Variants in RP1 observed in about 807,000 individuals in gnomAD.
RP1 encodes oxygen-regulated protein 1.
RP1 carries 16 observed loss-of-function variants against 14.8 expected under a neutral mutation model. The observed-to-expected ratio is 1.08, with a 90% CI of 0.73 to 1.65. RP1 has a LOEUF of 1.65. Ranked by LOEUF, RP1 falls within the 40% of genes most tolerant of loss-of-function variation. The pLI is 0.00. For missense variants in RP1, 2,631 were observed against 2,535.0 expected, an observed-to-expected ratio of 1.04 and a Z score of -0.81; for synonymous variants, 876 against 883.6, an observed-to-expected ratio of 0.99 and a Z score of 0.15.
At chr8:54,737,301 C>G (rs1453461616) in intron 18 of RP1, among the ~76,000 whole-genome samples, 1 of 152,170 alleles carries the variant, frequency 6.6e-6, no homozygotes, top group Non-Finnish European at 1.5e-5. Flanking sequence ...TGGCACAGAC[C>G]TGAGTGGCAG....
chr8:54,611,204 C>T (rs1164167596), upstream of RP1, among the ~76,000 whole-genome samples: 1 of 152,094 alleles, frequency 6.6e-6, no homozygotes, highest in East Asian at 1.9e-4. Context: ...ACGTGTAGTT[C>T]ATCGAACTTT....
rs376019820 is a variant in RP1, at chr8:54,628,948, G to A, written c.5066G>A (p.Ser1689Asn). 5.6e-4 allele frequency: 896 copies of A among 1,613,998 alleles called. 12 individuals carry two copies. In the South Asian group the frequency reaches 9.4e-3, roughly 17 times the overall value. The change falls in exon 4 of 4, where the codon AGT (serine) becomes AAT (asparagine). Residue 1689 changes from serine (S) to asparagine (N), a missense_variant. By Grantham distance (46) the Ser-to-Asn change is conservative (BLOSUM62 1). Transcript: ENST00000220676. ...GGCTCTTCTGAACAGGTATCTAGTA[G>A]TTCATCTATGTTGCAGGAATTCCAG... ...SFGSSEQVSS[S>N]SSMLQEFQEE...
chr8:54,733,694 G>C (rs1808846286), intron 17 of RP1, among the ~76,000 whole-genome samples: 1 of 151,952 alleles, frequency 6.6e-6, no homozygotes, highest in African/African-American at 2.4e-5. Context: ...CATCATCTTG[G>C]GTATATAAGA....
At chr8:54,779,089 C>T (rs1265959327) in intron 23 of RP1, among the ~76,000 whole-genome samples, 2 of 152,132 alleles carry the variant, frequency 1.3e-5, no homozygotes, top group Non-Finnish European at 2.9e-5. Flanking sequence ...TCACAACCCT[C>T]GACTTCTCCG....
At chr8:54,856,979 A>G (rs1276719557) in intron 26 of RP1, 6 of 582,282 alleles carry the variant, frequency 1.0e-5, no homozygotes, top group Non-Finnish European at 1.3e-5. Flanking sequence ...TTTTTTCTAG[A>G]GAAAGGAAAT....
intron 18 of RP1, among the ~76,000 whole-genome samples, chr8:54,735,093 A>G (rs1254594368): frequency 2.0e-5 from 3 of 152,108 alleles, no homozygotes; most frequent in Admixed American, 2.0e-4. Flanking sequence ...TCTTTTATAT[A>G]CTTGCATATA....
chr8:54,608,417 G>A (rs1805512533), intron 1 of RP1, among the ~76,000 whole-genome samples: 1 of 152,130 alleles, frequency 6.6e-6, no homozygotes, highest in African/African-American at 2.4e-5. Flanking sequence ...AGCCCTCTCT[G>A]CCCTCTGTTT....
chr8:54,567,631 GAA>G (rs35219913), intron 1 of RP1, among the ~76,000 whole-genome samples: 14 of 149,708 alleles, frequency 9.4e-5, no homozygotes, highest in African/African-American at 2.7e-4. Context: ...TAGGTTCAGG[GAA>G]AAAAAAAATC....
At chr8:54,646,243 CT>C (rs58433875) in intron 3 of RP1, among the ~76,000 whole-genome samples, 89,542 of 151,452 alleles carry the variant, frequency 0.59, 27,607 homozygotes, top group Middle Eastern at 0.77. Flanking sequence ...GTTTCTTTTT[CT>C]TTTTTTTGGC....
At chr8:54,836,431 G>A (rs956277712) in intron 24 of RP1, among the ~76,000 whole-genome samples, 13 of 152,156 alleles carry the variant, frequency 8.5e-5, no homozygotes, top group Non-Finnish European at 1.0e-4. Context: ...AGATTAATCT[G>A]GTTTATACAG....
rs139566117 is a variant in RP1 at position 54,593,578 on chromosome 8, A to T, written c.-12-27377A>T. ...CACAAGTCCAGCTAATCTCATGGCC[A>T]TCTGGTATACACTGCCACATCCAGT... is the stretch of plus-strand genomic sequence containing the variant. On this transcript the variant is annotated intron_variant, in intron 1 of 22. Transcript: ENST00000636932. Among the ~76,000 whole-genome samples, 358 of 152,298 alleles carry T rather than the reference A, an allele frequency of 2.4e-3. 3 individuals are homozygous for T. The highest frequency in any genetic ancestry group is 2.6e-3 in the Admixed American group (40 of 15,296).
intron 18 of RP1, among the ~76,000 whole-genome samples, chr8:54,735,590 C>A (rs1215760733): frequency 1.3e-5 from 2 of 152,186 alleles, no homozygotes; most frequent in Non-Finnish European, 2.9e-5. Flanking sequence ...CACTAATACT[C>A]AAATGGTTTC....
intron 1 of RP1, among the ~76,000 whole-genome samples, chr8:54,572,011 T>C (rs1804534849): frequency 6.6e-6 from 1 of 152,188 alleles, no homozygotes; most frequent in Non-Finnish European, 1.5e-5. Flanking sequence ...GACTTCAATA[T>C]ATTTTAAGGA....
chr8:54,652,775 C>T, intron 4 of RP1: 2 of 1,533,312 alleles, frequency 1.3e-6, no homozygotes, highest in East Asian at 2.4e-5. Flanking sequence ...CTTGGCTCTT[C>T]ATAGATAACA....
rs1806605312 is a variant in RP1, at chr8:54,649,077, A to T, written c.880A>T (p.Ser294Cys). The change falls in exon 4 of 23, where the codon AGT (serine) becomes TGT (cysteine). Residue 294 changes from serine (S) to cysteine (C), a missense_variant. Transcript: ENST00000636932. ...TATTATTCTGTATGGACAACATAGAAGTTCAGCCCCCATATATCTTTATGG... is the reference window on the plus strand; with the variant it reads ...TATTATTCTGTATGGACAACATAGATGTTCAGCCCCCATATATCTTTATGG... 2.0e-6 allele frequency: 3 copies of T among 1,532,490 alleles called. No homozygotes were observed. The East Asian group carries it at 7.3e-5, about 38-fold the overall frequency. 94.9% of individuals were successfully genotyped at this position (1,532,490 alleles called of 1,614,324 possible). A position where few individuals can be genotyped will look rare whatever the true frequency, so the allele number is the denominator to read the frequency against.
intron 3 of RP1, among the ~76,000 whole-genome samples, chr8:54,647,232 A>G (rs900688161): frequency 2.0e-5 from 3 of 152,186 alleles, no homozygotes; most frequent in African/African-American, 7.2e-5. Context: ...CCTGACCAAC[A>G]TGGTGAAACC....
At position 54,597,913 on chromosome 8, in the gene RP1, C is replaced by T. The variant is rs532432226; in HGVS notation, c.-12-23042C>T. ...AAAATGTGTACATATAGTTCCATGT[C>T]ATTTTATCACATCTGTAACCACCAC... On this transcript the variant is annotated intron_variant, in intron 1 of 22. Transcript: ENST00000636932. 7.2e-5 allele frequency among the ~76,000 whole-genome samples: 11 copies of T among 151,974 alleles called. No homozygotes were observed. In the East Asian group the frequency reaches 1.9e-3, roughly 27 times the overall value.
intron 5 of RP1, among the ~76,000 whole-genome samples, chr8:54,655,528 G>A (rs145311090): frequency 1.2e-4 from 19 of 152,232 alleles, no homozygotes; most frequent in African/African-American, 4.6e-4. Context: ...AATCTGTAGT[G>A]TATGAAATCT....
In RP1 at chr8:54,630,077, C is replaced by T. The variant is rs576244844; in HGVS notation, c.6195C>T (p.Val2065=). ...AGACAAATGAAATCTTTAAAGCAGT[C>T]GATGAGAATAACAACTTATTAAATA... The part of the protein sequence containing the change: ...SGQTNEIFKA[V]DENNNLLNNR... The change falls in exon 4 of 4, where the codon GTC becomes GTT. Residue 2065 remains valine (V), a synonymous_variant. Transcript: ENST00000220676. 5.6e-6 allele frequency: 9 copies of T among 1,613,802 alleles called. No individual in the cohort carries two copies. The highest frequency in any genetic ancestry group is 3.3e-5 in the Admixed American group (2 of 60,010).
Sources: gnomAD v4.1 joint callset for allele counts (sites outside exome capture counted in the v4.1 genomes callset) on GRCh38, gnomAD v4.1.1 for gene constraint, MANE v1.5 for transcripts, NCBI Gene and HGNC (gene_info 2026-07-23, HGNC 2026-07-21) for gene names.